The following VGLL4 variants were observed in gnomAD, a reference collection of about 807,000 sequenced individuals.
VGLL4 encodes vestigial like family member 4, also known as transcription cofactor vestigial-like protein 4.
Under a neutral mutation model 21.0 loss-of-function variants are expected in VGLL4, and 7 were observed. The ratio of observed to expected loss-of-function variants is 0.33; its 90% CI spans 0.19 to 0.63. The LOEUF (loss-of-function observed/expected upper bound fraction) is 0.63, where lower values mean the gene tolerates loss of function less well. Among genes scored for constraint, VGLL4 ranks in the 20% least tolerant of loss-of-function variants. The pLI, the probability that VGLL4 is intolerant of heterozygous loss-of-function variation, is 0.78. For missense variants in VGLL4, 394 were observed against 425.7 expected (o/e 0.93, Z 0.66); for synonymous variants, 222 against 173.2 (o/e 1.28, Z -2.21).
At chr3:11,610,886 T>C (rs1211056150) in intron 1 of VGLL4, 1 of 152,232 alleles carries the variant, frequency 6.6e-6, no homozygotes, top group Non-Finnish European at 1.5e-5. Context: ...TGTTCTGACT[T>C]TTCTTAATGC....
rs564388122 is a variant in VGLL4, at chr3:11,565,231, A to G, written c.273-212T>C. Among the ~76,000 whole-genome samples, 27 of 152,214 alleles carry G rather than the reference A, an allele frequency of 1.8e-4. No individual in the cohort carries two copies. Among genetic ancestry groups the G allele is most frequent in the African/African-American group, 5.5e-4 (23 of 41,544 alleles). ...GGAGAAGCTGCTGCCAGCGGAGTCC[A>G]AAGTCAGCTCCATAGAAGATGGAGC... On this transcript the variant is annotated intron_variant, in intron 2 of 4. Transcript: ENST00000430365. The surrounding 1 kb of genome is among the most constrained non-coding windows in gnomAD (Gnocchi z 4.1).
Position 11,653,863 on chromosome 3 carries a change from C to T in VGLL4, c.64+49108G>A, listed in dbSNP as rs1043370046. Among the ~76,000 whole-genome samples, 1 of 152,146 alleles carries T rather than the reference C, an allele frequency of 6.6e-6. No homozygotes were observed. The highest frequency in any genetic ancestry group is 1.5e-5 in the Non-Finnish European group (1 of 68,034). On this transcript the variant is annotated intron_variant, in intron 2 of 5. Coordinates refer to the VGLL4 transcript ENST00000273038. The surrounding 1 kb of genome is among the most constrained non-coding windows in gnomAD (Gnocchi z 4.2). ...CTTTACTTCGCACTTCTCTGATGGA[C>T]AGTAAGAACTCTGTGACACTTGTAG...
intron 2 of VGLL4, among the ~76,000 whole-genome samples, chr3:11,577,012 C>T (rs958900169): frequency 6.6e-6 from 1 of 152,184 alleles, no homozygotes. Flanking sequence ...GAAAACTAAA[C>T]AAATTCTCAG....
In VGLL4 at chr3:11,561,891, C is replaced by CTTTTTT. The variant is rs35380668; in HGVS notation, c.496-2442_496-2437dup. On this transcript the variant is annotated intron_variant, in intron 3 of 4. Coordinates refer to ENST00000430365, the MANE Select transcript of VGLL4 (RefSeq NM_001128219.3). ...AACCCCCAAGGCTGGCTGCGCCAAA[C>CTTTTTT]TTTTTTTTTTTTTTTTTTTTTTTTT... Among the ~76,000 whole-genome samples, 20 of 88,602 alleles carry CTTTTTT rather than the reference C, an allele frequency of 2.3e-4. 1 individual carries two copies. The highest frequency in any genetic ancestry group is 7.9e-4 in the African/African-American group (17 of 21,514). The allele number at this position is 88,602 out of a possible 152,430, so 58.1% of individuals were successfully genotyped here.
chr3:11,671,365 T>A (rs2076213006), intron 2 of VGLL4: 1 of 1,108,928 alleles, frequency 9.0e-7, no homozygotes, highest in Non-Finnish European at 1.4e-6. Flanking sequence ...GGACTACGAT[T>A]CTGCATTTCT....
chr3:11,561,683 T>C (rs1201608700), intron 3 of VGLL4, among the ~76,000 whole-genome samples: 1 of 152,068 alleles, frequency 6.6e-6, no homozygotes, highest in Non-Finnish European at 1.5e-5. Context: ...ACACCCTTAT[T>C]TTCCAGATGG....
intron 2 of VGLL4, among the ~76,000 whole-genome samples, chr3:11,688,377 C>A (rs1169958441): frequency 6.6e-6 from 1 of 152,064 alleles, no homozygotes; most frequent in Admixed American, 6.6e-5. Context: ...TAAAATTCAC[C>A]TATAAAACCA....
intron 2 of VGLL4, among the ~76,000 whole-genome samples, chr3:11,689,029 AAG>A (rs1335051585): frequency 1.3e-5 from 2 of 152,088 alleles, no homozygotes; most frequent in Admixed American, 1.3e-4. Context: ...TCAAAAAAAA[AAG>A]AGAGAGAGAG....
intron 3 of VGLL4, 109 bp downstream of exon 3, chr3:11,564,688 A>AC: frequency 7.5e-7 from 1 of 1,328,042 alleles, no homozygotes; most frequent in Admixed American, 2.2e-5. Flanking sequence ...CTCCCTCACC[A>AC]CCTCCCTCCC....
rs553390386 is a variant in VGLL4 at position 11,674,700 on chromosome 3, A to G, written c.64+28271T>C. ...GGAAACACGGATTAAAAAGGCAAAG[A>G]GGACAGACACAAGAAACGGGACACC... On this transcript the variant is annotated intron_variant, in intron 2 of 5. Coordinates refer to the VGLL4 transcript ENST00000273038. Among the ~76,000 whole-genome samples, 4 of 152,322 alleles carry G rather than the reference A, an allele frequency of 2.6e-5. No homozygotes were observed. The East Asian group carries it at 7.7e-4, about 29-fold the overall frequency.
chr3:11,598,387 G>C (rs1333487468), intron 2 of VGLL4, among the ~76,000 whole-genome samples: 1 of 152,100 alleles, frequency 6.6e-6, no homozygotes, highest in Non-Finnish European at 1.5e-5. Context: ...ACTAGAAAAT[G>C]TCTCCATATG....
At position 11,656,990 on chromosome 3, in the gene VGLL4, A is replaced by G. The variant is rs556511752; in HGVS notation, c.64+45981T>C. Among the ~76,000 whole-genome samples, 4 of 152,270 alleles carry G rather than the reference A, an allele frequency of 2.6e-5. No individual in the cohort carries two copies. The East Asian group carries it at 7.7e-4, about 29-fold the overall frequency. ...GGGAGTAGGCAGCAAGGAGGTAAGG[A>G]AGGCCAGCCTGGAGCTGAGAGCAGT... On this transcript the variant is annotated intron_variant, in intron 2 of 5. Coordinates refer to the VGLL4 transcript ENST00000273038.
intron 2 of VGLL4, among the ~76,000 whole-genome samples, chr3:11,593,935 C>T (rs1003705867): frequency 1.3e-4 from 20 of 152,208 alleles, no homozygotes; most frequent in African/African-American, 4.8e-4. Flanking sequence ...GTGACCATGG[C>T]TTTGATCCCA....
At position 11,590,284 on chromosome 3, in the gene VGLL4, T is replaced by G. The variant is rs117915124; in HGVS notation, c.272+11549A>C. ...GTTCAATGACATGGAAATTTAGGGA[T>G]GCAGCAAGATTTCAGTTCTCAGATG... On this transcript the variant is annotated intron_variant, in intron 2 of 4. Coordinates refer to ENST00000430365, the MANE Select transcript of VGLL4 (RefSeq NM_001128219.3). Among the ~76,000 whole-genome samples, 839 of 152,342 alleles carry G rather than the reference T, an allele frequency of 5.5e-3. 25 individuals are homozygous for G. The East Asian group carries it at 0.067, about 12-fold the overall frequency.
intron 1 of VGLL4, among the ~76,000 whole-genome samples, chr3:11,704,008 C>T (rs2076721018): frequency 1.3e-5 from 2 of 152,160 alleles, no homozygotes; most frequent in South Asian, 4.1e-4. Context: ...CTTTGGGAGG[C>T]CAAGGCGGGC....
chr3:11,581,153 G>T (rs2125224370), intron 2 of VGLL4, among the ~76,000 whole-genome samples: 1 of 150,576 alleles, frequency 6.6e-6, no homozygotes, highest in Non-Finnish European at 1.5e-5. Context: ...TGCAACCTCT[G>T]CCTCCTGGGT....
At chr3:11,591,364 C>A (rs537746535) in intron 2 of VGLL4, among the ~76,000 whole-genome samples, 1 of 152,334 alleles carries the variant, frequency 6.6e-6, no homozygotes, top group Admixed American at 6.5e-5. Context: ...AAGCCTAAGT[C>A]CCCAGTGCAG....
At position 11,601,927 on chromosome 3, in the gene VGLL4, T is replaced by A; in HGVS notation, c.178A>T (p.Ser60Cys). 1 of 1,613,714 alleles carries A rather than the reference T, an allele frequency of 6.2e-7. No individual in the cohort carries two copies. Among genetic ancestry groups the A allele is most frequent in the South Asian group, 1.1e-5 (1 of 91,052 alleles). The change falls in exon 2 of 5, where the codon AGC becomes TGC. Residue 60 changes from serine to cysteine, a missense_variant. Transcript: ENST00000430365. ...HRTGPPPISP[S>C]KRKFSMEPGD... ...GGCTCCATGCTGAACTTCCTCTTGC[T>A]GGGGCTGATTGGGGGAGGGCCGGTG...
At chr3:11,563,409 G>A (rs945473016) in intron 3 of VGLL4, among the ~76,000 whole-genome samples, 2 of 152,238 alleles carry the variant, frequency 1.3e-5, no homozygotes, top group Non-Finnish European at 2.9e-5. Flanking sequence ...CAGTGAGCGG[G>A]TCCCTGTGGG....
Sources: gnomAD v4.1 joint callset for allele counts (sites outside exome capture counted in the v4.1 genomes callset) on GRCh38, gnomAD v4.1.1 for gene constraint, Gnocchi (gnomAD v3.1) non-coding constraint, MANE v1.5 for transcripts, NCBI Gene and HGNC (gene_info 2026-07-23, HGNC 2026-07-21) for gene names.